The following CDK14 variants were observed in gnomAD, a reference collection of about 807,000 sequenced individuals.
CDK14 encodes the protein cyclin-dependent kinase 14.
CDK14 carries 34 observed loss-of-function variants against 60.7 expected under a neutral mutation model. The ratio of observed to expected loss-of-function variants is 0.56; its 90% CI spans 0.43 to 0.75. CDK14 has a LOEUF of 0.75. Among genes scored for constraint, CDK14 ranks in the 30% least tolerant of loss-of-function variants. CDK14 has a pLI of 0.00. For missense variants in CDK14, 482 were observed against 564.1 expected (o/e 0.85, Z 1.47); for synonymous variants, 197 against 203.7 (o/e 0.97, Z 0.28).
At chr7:91,127,934 G>A (rs959606434) in intron 14 of CDK14, among the ~76,000 whole-genome samples, 1 of 152,100 alleles carries the variant, frequency 6.6e-6, no homozygotes, top group African/African-American at 2.4e-5. Flanking sequence ...TATCAAATGA[G>A]CTTTTGTTTA....
chr7:90,698,149 A>G (rs1801706707), intron 2 of CDK14, among the ~76,000 whole-genome samples: 1 of 151,778 alleles, frequency 6.6e-6, no homozygotes, highest in Admixed American at 6.6e-5. Context: ...AAAGAAAATT[A>G]GCTGATTCGT....
At chr7:90,804,620 A>T (rs1378448864) in intron 5 of CDK14, among the ~76,000 whole-genome samples, 1 of 152,176 alleles carries the variant, frequency 6.6e-6, no homozygotes, top group African/African-American at 2.4e-5. Flanking sequence ...ACTGATATCA[A>T]CAAAAACTTG....
At chr7:91,092,123 G>T (rs1798850123) in intron 12 of CDK14, among the ~76,000 whole-genome samples, 1 of 152,066 alleles carries the variant, frequency 6.6e-6, no homozygotes, top group African/African-American at 2.4e-5. Flanking sequence ...ATGCCAATTT[G>T]GGTTTTCTTA....
intron 2 of CDK14, among the ~76,000 whole-genome samples, chr7:90,681,274 T>C (rs1385911354): frequency 6.6e-6 from 1 of 152,236 alleles, no homozygotes; most frequent in Non-Finnish European, 1.5e-5. Context: ...AGGTTGCCTG[T>C]AAACTTGATC....
In CDK14 at chr7:90,818,878, GTATA is replaced by G. The variant is rs776055802; in HGVS notation, c.544+28232_544+28235del. ...ATTTTCTCTCTCTCTATGTGTGTGT[GTATA>G]TATATGTGTGTGTGTGTGTGTGTGT... On this transcript the variant is annotated intron_variant, in intron 5 of 14. Coordinates refer to ENST00000380050, the MANE Select transcript of CDK14 (RefSeq NM_001287135.2). Among the ~76,000 whole-genome samples the G allele has an allele frequency of 6.1e-3, 487 of 79,810 alleles. 4 individuals carry two copies. Among genetic ancestry groups the G allele is most frequent in the Admixed American group, 8.8e-3 (54 of 6,134 alleles). The allele number at this position is 79,810 out of a possible 152,430, so 52.4% of individuals were successfully genotyped here. A position where few individuals can be genotyped will look rare whatever the true frequency, so the allele number is the denominator to read the frequency against.
At chr7:91,201,801 G>T (rs1001963438) in intron 14 of CDK14, among the ~76,000 whole-genome samples, 7 of 152,136 alleles carry the variant, frequency 4.6e-5, no homozygotes, top group African/African-American at 1.2e-4. Context: ...GCACTTAAGG[G>T]CTTCTACATT....
At chr7:91,101,301 A>G (rs1478575101) in intron 12 of CDK14, among the ~76,000 whole-genome samples, 1 of 152,188 alleles carries the variant, frequency 6.6e-6, no homozygotes, top group Non-Finnish European at 1.5e-5. Context: ...CCCATTTTGT[A>G]AGCATGACCC....
intron 4 of CDK14, among the ~76,000 whole-genome samples, chr7:90,780,622 G>GT (rs1419646929): frequency 7.4e-6 from 1 of 134,522 alleles, no homozygotes; most frequent in Non-Finnish European, 1.5e-5. Flanking sequence ...TCCCCTTCCT[G>GT]TGTCCATGTG....
At chr7:91,203,658 C>T (rs1013278170) in intron 14 of CDK14, among the ~76,000 whole-genome samples, 2 of 152,148 alleles carry the variant, frequency 1.3e-5, no homozygotes, top group African/African-American at 4.8e-5. Context: ...CTAAAGCTCC[C>T]ATTTAGCTGG....
intron 14 of CDK14, among the ~76,000 whole-genome samples, chr7:91,158,797 A>G (rs1409839018): frequency 6.6e-6 from 1 of 152,180 alleles, no homozygotes; most frequent in Admixed American, 6.5e-5. Context: ...CAGCTTAGAT[A>G]CAGTCAGGTC....
rs147338950 is a variant in CDK14 at position 90,712,527 on chromosome 7, T to G, written c.124-14040T>G. Reference sequence around the variant, plus strand: ...TTTATATGGGATAGACAGCAGTTTTTCCTCATATGATGACATGAATCAAGT... The same window carrying G: ...TTTATATGGGATAGACAGCAGTTTTGCCTCATATGATGACATGAATCAAGT... On this transcript the variant is annotated intron_variant, in intron 2 of 14. Transcript: ENST00000380050. Among the ~76,000 whole-genome samples, 69 of 152,226 alleles carry G rather than the reference T, an allele frequency of 4.5e-4. 1 individual carries two copies. The highest frequency in any genetic ancestry group is 1.5e-3 in the African/African-American group (63 of 41,572).
At chr7:90,928,185 T>A (rs1159037310) in intron 8 of CDK14, among the ~76,000 whole-genome samples, 1 of 152,214 alleles carries the variant, frequency 6.6e-6, no homozygotes, top group African/African-American at 2.4e-5. Context: ...CGGAGAAGTT[T>A]GTTATTACCG....
chr7:90,852,151 C>T (rs1790665670), intron 5 of CDK14, among the ~76,000 whole-genome samples: 1 of 152,172 alleles, frequency 6.6e-6, no homozygotes, highest in African/African-American at 2.4e-5. Flanking sequence ...CCCACCTCCA[C>T]CTTTCAAAAT....
At chr7:91,067,297 C>G (rs78317273) in intron 11 of CDK14, among the ~76,000 whole-genome samples, 1 of 152,132 alleles carries the variant, frequency 6.6e-6, no homozygotes, top group Non-Finnish European at 1.5e-5. Flanking sequence ...TTATAAATGT[C>G]ATGTTCGTGG....
chr7:91,079,476 A>T lies in CDK14; in HGVS notation c.1150A>T (p.Asn384Tyr), dbSNP rs1798420249. The change falls in exon 12 of 15, where the codon AAT becomes TAT. Residue 384 changes from asparagine (N) to tyrosine (Y), a missense_variant. Transcript: ENST00000380050. Reference sequence around the variant, plus strand: ...CTCTAAAAACCTTAGACAAGCATGGAATAAGTAAGTCTTTATACAGATTGT... The same window carrying T: ...CTCTAAAAACCTTAGACAAGCATGGTATAAGTAAGTCTTTATACAGATTGT... ...YSSKNLRQAW[N>Y]KLSYVNHAED... 1 of 1,597,276 alleles carries T rather than the reference A, an allele frequency of 6.3e-7. No individual in the cohort carries two copies. Among genetic ancestry groups the T allele is most frequent in the Non-Finnish European group, 8.6e-7 (1 of 1,165,944 alleles).
At chr7:91,059,849 T>C (rs899760613) in intron 11 of CDK14, among the ~76,000 whole-genome samples, 2 of 152,222 alleles carry the variant, frequency 1.3e-5, no homozygotes, top group African/African-American at 2.4e-5. Flanking sequence ...TTGGAATAGG[T>C]GTGGTGTGGT....
intron 5 of CDK14, among the ~76,000 whole-genome samples, chr7:90,860,457 T>C (rs1297703810): frequency 6.6e-6 from 1 of 151,828 alleles, no homozygotes; most frequent in African/African-American, 2.4e-5. Flanking sequence ...TAAATCTTAA[T>C]CTAAAATTTC....
At chr7:90,637,653 A>G (rs997346211) in intron 2 of CDK14, among the ~76,000 whole-genome samples, 33 of 151,276 alleles carry the variant, frequency 2.2e-4, no homozygotes, top group African/African-American at 6.3e-4. Flanking sequence ...TATTAGGTCC[A>G]CTTGGTGCAG....
intron 8 of CDK14, among the ~76,000 whole-genome samples, chr7:90,945,900 A>G (rs967704338): frequency 6.6e-6 from 1 of 152,190 alleles, no homozygotes; most frequent in Non-Finnish European, 1.5e-5. Context: ...GGAAGCTCTT[A>G]CATACTACAT....
Sources: gnomAD v4.1 joint callset for allele counts (sites outside exome capture counted in the v4.1 genomes callset) on GRCh38, gnomAD v4.1.1 for gene constraint, MANE v1.5 for transcripts, NCBI Gene and HGNC (gene_info 2026-07-23, HGNC 2026-07-21) for gene names.